The following CDH13 variants were observed in gnomAD, a reference collection of about 807,000 sequenced individuals.
CDH13 encodes cadherin-13.
CDH13 carries 24 observed loss-of-function variants against 63.8 expected under a neutral mutation model. The ratio of observed to expected loss-of-function variants is 0.38; its 90% CI spans 0.27 to 0.53. The LOEUF (loss-of-function observed/expected upper bound fraction) is 0.53, where lower values mean the gene tolerates loss of function less well. CDH13 is among the 20% of genes least tolerant of loss of function. CDH13 has a pLI of 0.85. For synonymous variants in CDH13, 503 were observed against 355.3 expected (o/e 1.42, Z -4.67); for missense variants, 1,049 against 903.1 (o/e 1.16, Z -2.07).
intron 10 of CDH13, among the ~76,000 whole-genome samples, chr16:83,713,174 C>T (rs1908321652): frequency 6.6e-6 from 1 of 152,212 alleles, no homozygotes; most frequent in Non-Finnish European, 1.5e-5. Flanking sequence ...GGAGCAGCTG[C>T]CTGCACTTCA....
At chr16:83,039,210 C>G (rs1247785925) in intron 3 of CDH13, among the ~76,000 whole-genome samples, 1 of 152,224 alleles carries the variant, frequency 6.6e-6, no homozygotes, top group African/African-American at 2.4e-5. Flanking sequence ...CACCTGATCA[C>G]TTCGCTCCTC....
chr16:82,701,154 CT>C (rs1479080043), intron 1 of CDH13, among the ~76,000 whole-genome samples: 4 of 151,720 alleles, frequency 2.6e-5, no homozygotes, highest in African/African-American at 9.7e-5. Context: ...TTTTTTATTT[CT>C]TTCTCTTCCT....
chr16:83,475,748 A>C (rs562680198), intron 6 of CDH13, among the ~76,000 whole-genome samples: 11 of 151,960 alleles, frequency 7.2e-5, no homozygotes, highest in Non-Finnish European at 1.2e-4. Flanking sequence ...CGTTTGGCTA[A>C]ATTTGTTTGC....
At chr16:83,096,897 T>G (rs1239445130) in intron 3 of CDH13, among the ~76,000 whole-genome samples, 1 of 152,196 alleles carries the variant, frequency 6.6e-6, no homozygotes, top group African/African-American at 2.4e-5. Flanking sequence ...CCTTTGAAAG[T>G]TAGGGTCATG....
At chr16:82,915,715 C>G (rs1446819546) in intron 2 of CDH13, among the ~76,000 whole-genome samples, 7 of 151,834 alleles carry the variant, frequency 4.6e-5, no homozygotes. Flanking sequence ...GATTGTCTCT[C>G]TTAGACATGC....
intron 3 of CDH13, among the ~76,000 whole-genome samples, chr16:83,107,809 T>C (rs2034848726): frequency 6.6e-6 from 1 of 151,894 alleles, no homozygotes; most frequent in Admixed American, 6.6e-5. Flanking sequence ...TTCTTTTTTC[T>C]TTTCTTTTCC....
chr16:83,737,647 G>T (rs1911663366), intron 10 of CDH13, among the ~76,000 whole-genome samples: 1 of 152,060 alleles, frequency 6.6e-6, no homozygotes, highest in Non-Finnish European at 1.5e-5. Flanking sequence ...TCAGAATGGT[G>T]GTTCTCAAAC....
At chr16:82,726,935 T>C (rs1048841972) in intron 1 of CDH13, among the ~76,000 whole-genome samples, 1 of 152,140 alleles carries the variant, frequency 6.6e-6, no homozygotes, top group Non-Finnish European at 1.5e-5. Context: ...ACTTACTTAT[T>C]TACACAAAGC....
intron 7 of CDH13, among the ~76,000 whole-genome samples, chr16:83,514,292 A>T (rs748632327): frequency 6.6e-6 from 1 of 152,188 alleles, no homozygotes; most frequent in Non-Finnish European, 1.5e-5. Context: ...ATTAGCTAAG[A>T]TGAGGTTATG....
chr16:82,962,649 G>T (rs28546747), intron 2 of CDH13, among the ~76,000 whole-genome samples: 2,609 of 152,208 alleles, frequency 0.017, 78 homozygotes, highest in African/African-American at 0.059. Flanking sequence ...TGAACCCCTG[G>T]CCAGGGCAGG....
At chr16:82,689,762 C>T (rs1915449767) in intron 1 of CDH13, among the ~76,000 whole-genome samples, 1 of 151,926 alleles carries the variant, frequency 6.6e-6, no homozygotes, top group Non-Finnish European at 1.5e-5. Flanking sequence ...GGGCTGTCTG[C>T]TTGAAAGGGC....
At chr16:83,559,077 T>C (rs961940740) in intron 7 of CDH13, among the ~76,000 whole-genome samples, 2 of 152,124 alleles carry the variant, frequency 1.3e-5, no homozygotes, top group African/African-American at 4.8e-5. Flanking sequence ...TCCTTTCTTT[T>C]AAACACTGCT....
chr16:83,420,277 C>T (rs570435167), intron 6 of CDH13, among the ~76,000 whole-genome samples: 32 of 152,242 alleles, frequency 2.1e-4, no homozygotes, highest in Non-Finnish European at 4.4e-5. Flanking sequence ...TTGAGAGCAT[C>T]AACTAAGGTC....
At chr16:83,542,071 C>T (rs552783617) in intron 7 of CDH13, among the ~76,000 whole-genome samples, 2 of 152,320 alleles carry the variant, frequency 1.3e-5, no homozygotes, top group Non-Finnish European at 2.9e-5. Context: ...GGCATCACCC[C>T]AGAGCTTGCT....
At chr16:83,697,712 A>G (rs553078087) in intron 10 of CDH13, among the ~76,000 whole-genome samples, 2 of 152,288 alleles carry the variant, frequency 1.3e-5, no homozygotes, top group South Asian at 4.1e-4. Context: ...CAGTGGTGCA[A>G]TCTCGGCTCA....
rs2073608976 is a variant in CDH13 at position 83,476,509 on chromosome 16, C to T, written c.782-9968C>T. 2.0e-5 allele frequency among the ~76,000 whole-genome samples: 3 copies of T among 152,280 alleles called. No homozygotes were observed. In the South Asian group the frequency reaches 6.2e-4, roughly 32 times the overall value. On this transcript the variant is annotated intron_variant, in intron 6 of 13. Transcript: ENST00000567109. ...CCAACATGGTAAAACCATATCTCTA[C>T]TAAAAATACAAAAATTAGCAAGGCG...
intron 2 of CDH13, among the ~76,000 whole-genome samples, chr16:82,974,023 G>A (rs550435512): frequency 5.9e-5 from 9 of 152,164 alleles, no homozygotes; most frequent in African/African-American, 2.2e-4. Context: ...CGGTTCTAGC[G>A]ATTCTCCTGC....
At chr16:83,214,102 T>C (rs1203384880) in intron 4 of CDH13, among the ~76,000 whole-genome samples, 1 of 152,002 alleles carries the variant, frequency 6.6e-6, no homozygotes, top group African/African-American at 2.4e-5. Context: ...TCGGATCCCC[T>C]TCCACACCGT....
intron 8 of CDH13, among the ~76,000 whole-genome samples, chr16:83,607,277 G>A (rs942123971): frequency 2.6e-5 from 4 of 151,936 alleles, no homozygotes; most frequent in Admixed American, 2.6e-4. Flanking sequence ...AAGATTAGCT[G>A]GGCATGGTGG....
Sources: gnomAD v4.1 joint callset for allele counts (sites outside exome capture counted in the v4.1 genomes callset) on GRCh38, gnomAD v4.1.1 for gene constraint, MANE v1.5 for transcripts, NCBI Gene and HGNC (gene_info 2026-07-23, HGNC 2026-07-21) for gene names.